The following ATM variants were observed in gnomAD, a reference collection of about 807,000 sequenced individuals.
The protein encoded by ATM is serine-protein kinase ATM.
ATM carries 308 observed loss-of-function variants against 387.0 expected under a neutral mutation model. The ratio of observed to expected loss-of-function variants is 0.80; its 90% CI spans 0.73 to 0.87. The LOEUF (loss-of-function observed/expected upper bound fraction) is 0.87. Ranked by LOEUF, ATM falls within the 40% of genes least tolerant of loss-of-function variation. The pLI is 0.00. For missense variants in ATM, 3,312 were observed against 3,560.9 expected (o/e 0.93, Z 1.78); for synonymous variants, 1,156 against 1,187.3 (o/e 0.97, Z 0.54).
At chr11:108,253,320 T>C (rs1591532121) in intron 12 of ATM, among the ~76,000 whole-genome samples, 1 of 152,146 alleles carries the variant, frequency 6.6e-6, no homozygotes, top group Non-Finnish European at 1.5e-5. Context: ...CTGAGTTTAG[T>C]TGATTGACTC....
At chr11:108,272,251 A>G (rs1260315060) in intron 20 of ATM, among the ~76,000 whole-genome samples, 1 of 152,228 alleles carries the variant, frequency 6.6e-6, no homozygotes, top group East Asian at 1.9e-4. Context: ...TTCTTTCTAA[A>G]GTAAGTTTAC....
intron 52 of ATM, 91 bp downstream of exon 52, chr11:108,332,128 C>A (rs2136536005): frequency 6.6e-7 from 1 of 1,511,632 alleles, no homozygotes; most frequent in African/African-American, 1.4e-5. Context: ...TATTAAGATG[C>A]CATCTAAAAT....
At chr11:108,250,370 C>T (rs192373160) in intron 9 of ATM, among the ~76,000 whole-genome samples, 144 of 152,178 alleles carry the variant, frequency 9.5e-4, no homozygotes, top group African/African-American at 3.5e-3. Context: ...CCAGGCTGGT[C>T]TCAAACTCCT....
At chr11:108,354,666 G>A in intron 60 of ATM, 145 bp from the exon 61 acceptor site, 1 of 779,128 alleles carries the variant, frequency 1.3e-6, no homozygotes, top group South Asian at 1.5e-5. Context: ...AGCCCACTCT[G>A]CCAAGTATTA....
intron 45 of ATM, among the ~76,000 whole-genome samples, chr11:108,321,979 T>C (rs1389373019): frequency 1.3e-5 from 2 of 152,198 alleles, no homozygotes; most frequent in African/African-American, 4.8e-5. Flanking sequence ...CCTACCAAGA[T>C]AAAATTGTTT....
At chr11:108,260,596 T>TA (rs1238106716) in intron 16 of ATM, among the ~76,000 whole-genome samples, 2 of 152,338 alleles carry the variant, frequency 1.3e-5, no homozygotes, top group Admixed American at 1.3e-4. Context: ...CTTTAGGTGT[T>TA]ACAAAACTTC....
intron 53 of ATM, 43 bp from the exon 54 acceptor site, chr11:108,333,843 G>A (rs753861164): frequency 2.7e-6 from 4 of 1,460,158 alleles, no homozygotes; most frequent in Non-Finnish European, 3.8e-6. Context: ...CTTCAATGCT[G>A]TTCCTCAGTT....
At position 108,317,539 on chromosome 11, in the gene ATM, ATT is replaced by A. The variant is rs58978479; in HGVS notation, c.6347+30_6347+31del. 1.2e-3 allele frequency: 1,495 copies of A among 1,298,164 alleles called. No individual in the cohort carries two copies. Among genetic ancestry groups the A allele is most frequent in the African/African-American group, 6.0e-3 (378 of 62,584 alleles). 80.4% of individuals were successfully genotyped at this position (1,298,164 alleles called of 1,614,324 possible). On this transcript the variant is annotated intron_variant, in intron 43 of 62. Transcript: ENST00000675843. ...TCCGTCAGGTAAGAAATTTGACTTG[ATT>A]TTTTTTTTTTTGCCTCTCTCCTCAT...
rs781730571 is a variant in ATM, at chr11:108,268,615, T to A, written c.2838+6T>A. 1 of 1,613,182 alleles carries A rather than the reference T, an allele frequency of 6.2e-7. No individual in the cohort carries two copies. Among genetic ancestry groups the A allele is most frequent in the East Asian group, 2.2e-5 (1 of 44,836 alleles). ...AATCCCTCCACCTGCATATGGTGAG[T>A]TACGTTAAATGAAGAAGCTCTTGGA... is the stretch of plus-strand genomic sequence containing the variant. On this transcript the variant is annotated splice_donor_region_variant and intron_variant, in intron 18 of 62. Coordinates refer to ENST00000675843, the MANE Select transcript of ATM (RefSeq NM_000051.4).
In ATM at chr11:108,315,875, G is replaced by A. The variant is rs1591776938; in HGVS notation, c.6059G>A (p.Gly2020Asp). 6.2e-7 allele frequency: 1 copy of A among 1,613,266 alleles called. No homozygotes were observed. Among genetic ancestry groups the A allele is most frequent in the Non-Finnish European group, 8.5e-7 (1 of 1,179,284 alleles). The change falls in exon 41 of 63, where the codon GGC becomes GAC. Residue 2020 changes from glycine (G) to aspartate (D), a missense_variant. Coordinates refer to ENST00000675843, the MANE Select transcript of ATM (RefSeq NM_000051.4). ...RSIGEPDSLYGCGGGKMLQPI... is the reference protein window; with the variant it reads ...RSIGEPDSLYDCGGGKMLQPI... ...ATAGGGGAGCCAGATAGTTTGTATG[G>A]CTGTGGTGGAGGGAAGATGTTACAA...
intron 16 of ATM, among the ~76,000 whole-genome samples, chr11:108,262,317 G>T (rs2080946374): frequency 6.6e-6 from 1 of 152,104 alleles, no homozygotes; most frequent in Non-Finnish European, 1.5e-5. Context: ...GAAGAGAGTG[G>T]GGGCCAATAT....
Position 108,353,805 on chromosome 11 carries a change from A to G in ATM, c.8711A>G (p.Glu2904Gly), listed in dbSNP as rs786202826. The change falls in exon 60 of 63, where the codon GAG becomes GGG. Residue 2904 changes from glutamate to glycine, a missense_variant. Around this residue, in one of 4 missense-constraint regions of ATM, gnomAD observed 1,405 missense variants for 1,604.4 expected, o/e 0.88. Transcript: ENST00000675843. ...CAGGGCAAAATCCTTCCTACTCCTG[A>G]GACAGTTCCTTTTAGACTCACCAGA... is the stretch of plus-strand genomic sequence containing the variant. The part of the protein sequence containing the change: ...FEQGKILPTP[E>G]TVPFRLTRDI... 6.2e-7 allele frequency: 1 copy of G among 1,614,112 alleles called. No homozygotes were observed. Among genetic ancestry groups the G allele is most frequent in the Middle Eastern group, 1.7e-4 (1 of 6,060 alleles).
At chr11:108,293,943 T>TTG (rs4988010) in intron 31 of ATM, among the ~76,000 whole-genome samples, 1,964 of 144,828 alleles carry the variant, frequency 0.014, 45 homozygotes, top group African/African-American at 0.047. Flanking sequence ...AAACACATAC[T>TTG]TGTGTGTGTG....
intron 9 of ATM, 137 bp from the exon 10 acceptor site, chr11:108,250,564 G>A: frequency 9.9e-7 from 1 of 1,007,464 alleles, no homozygotes; most frequent in Non-Finnish European, 1.4e-6. Flanking sequence ...TTAACAGCCA[G>A]TTTATTTTTA....
At chr11:108,343,905 C>T (rs1004361168) in intron 57 of ATM, among the ~76,000 whole-genome samples, 3 of 152,194 alleles carry the variant, frequency 2.0e-5, no homozygotes, top group Admixed American at 6.5e-5. Context: ...GATATTCATT[C>T]GCTGAATCAG....
intron 32 of ATM, chr11:108,296,895 TGC>T: frequency 1.1e-5 from 3 of 266,616 alleles, no homozygotes; most frequent in South Asian, 4.2e-5. Context: ...TTTCCATCAT[TGC>T]AGAAAGTTCT....
At chr11:108,268,124 T>G (rs2081363472) in intron 17 of ATM, among the ~76,000 whole-genome samples, 1 of 152,208 alleles carries the variant, frequency 6.6e-6, no homozygotes, top group South Asian at 2.1e-4. Flanking sequence ...TTGACATTTT[T>G]TATTGTCAGA....
rs876659563 is a variant in ATM at position 108,325,373 on chromosome 11, C to A, written c.6636C>A (p.Leu2212=). ...AGTGGCAGAAACACTCCCAGCTTCT[C>A]AAGGACAGTGATTTTAGTTTTCAGG... ...YIKWQKHSQL[L]KDSDFSFQEP... Residue 2212 remains leucine (L), a synonymous_variant, in exon 46 of 63, where the codon CTC becomes CTA. Coordinates refer to ENST00000675843, the MANE Select transcript of ATM (RefSeq NM_000051.4). 1 of 1,612,438 alleles carries A rather than the reference C, an allele frequency of 6.2e-7. No homozygotes were observed. The highest frequency in any genetic ancestry group is 1.3e-5 in the African/African-American group (1 of 74,672).
At chr11:108,343,183 GC>G in intron 56 of ATM, 38 bp from the exon 57 acceptor site, 1 of 1,611,314 alleles carries the variant, frequency 6.2e-7, no homozygotes, top group Non-Finnish European at 8.5e-7. Context: ...CTCTTTAATG[GC>G]CTTTTAAAAT....
Sources: gnomAD v4.1 joint callset for allele counts (sites outside exome capture counted in the v4.1 genomes callset) on GRCh38, gnomAD v4.1.1 for gene constraint, gnomAD v4.1.1 regional missense constraint, MANE v1.5 for transcripts, NCBI Gene and HGNC (gene_info 2026-07-23, HGNC 2026-07-21) for gene names.